Variants in SLC1A7 observed in about 807,000 individuals in gnomAD.
SLC1A7 encodes solute carrier family 1 member 7.
SLC1A7 carries 40 observed loss-of-function variants against 47.7 expected under a neutral mutation model. That is an observed-to-expected ratio of 0.84 (90% CI 0.65 to 1.09). The LOEUF is 1.09. Ranked by LOEUF, SLC1A7 falls within the 50% of genes least tolerant of loss-of-function variation. SLC1A7 has a pLI of 0.00. For missense variants in SLC1A7, 746 were observed against 769.5 expected, an observed-to-expected ratio of 0.97 and a Z score of 0.36; for synonymous variants, 323 against 325.6, an observed-to-expected ratio of 0.99 and a Z score of 0.09.
intron 5 of SLC1A7, among the ~76,000 whole-genome samples, chr1:53,099,234 C>CTGCCT (rs1224810464): frequency 2.4e-3 from 62 of 25,594 alleles, no homozygotes; most frequent in Non-Finnish European, 7.6e-3. Flanking sequence ...CACTCACACA[C>CTGCCT]CGCCTCGGTA....
chr1:53,096,267 ACT>A (rs753635111), intron 5 of SLC1A7, among the ~76,000 whole-genome samples: 10 of 143,656 alleles, frequency 7.0e-5, no homozygotes, highest in Non-Finnish European at 9.1e-5. Flanking sequence ...GCATCTGTAC[ACT>A]CACACACACC....
intron 1 of SLC1A7, among the ~76,000 whole-genome samples, chr1:53,140,029 G>T (rs1645041128): frequency 6.6e-6 from 1 of 152,106 alleles, no homozygotes; most frequent in Non-Finnish European, 1.5e-5. Context: ...TATTGTTTAT[G>T]ATTTTTGCCT....
chr1:53,126,862 T>C (rs1209551223), intron 2 of SLC1A7, among the ~76,000 whole-genome samples: 2 of 13,144 alleles, frequency 1.5e-4, no homozygotes, highest in Non-Finnish European at 2.6e-4. Flanking sequence ...AATTTGCTTA[T>C]CTAATTTTTT....
At position 53,111,652 on chromosome 1, in the gene SLC1A7, C is replaced by T. The variant is rs1017725401; in HGVS notation, c.431+3106G>A. ...AGATGTCAGACCAAGATGGGCAGGG[C>T]GAGAAAAGGGCAGATTTATGGAGAA... On this transcript the variant is annotated intron_variant, in intron 3 of 10. Transcript: ENST00000371494. 7.2e-5 allele frequency among the ~76,000 whole-genome samples: 11 copies of T among 152,132 alleles called. No individual in the cohort carries two copies. The East Asian group carries it at 9.6e-4, about 13-fold the overall frequency.
intron 2 of SLC1A7, among the ~76,000 whole-genome samples, chr1:53,122,496 C>G (rs1226223905): frequency 3.9e-5 from 6 of 152,192 alleles, no homozygotes; most frequent in African/African-American, 1.4e-4. Flanking sequence ...CTCTTCTTTT[C>G]CCCTGAGCAG....
rs561740053 is a variant in SLC1A7 at position 53,108,587 on chromosome 1, A to G, written c.432-2813T>C. 106 of 718,088 alleles carry G rather than the reference A, an allele frequency of 1.5e-4. No homozygotes were observed. The African/African-American group carries it at 1.7e-3, about 11-fold the overall frequency. 44.5% of individuals were successfully genotyped at this position (718,088 alleles called of 1,614,324 possible). A position where few individuals can be genotyped will look rare whatever the true frequency, so the allele number is the denominator to read the frequency against. On this transcript the variant is annotated intron_variant, in intron 3 of 10. Coordinates refer to ENST00000371494, the MANE Select transcript of SLC1A7 (RefSeq NM_006671.6). ...CTGGAAAACTCTTAAGGAGGTGCCCATTCAGCCAGGACCCTTTGGTCCGTT... is the reference window on the plus strand; with the variant it reads ...CTGGAAAACTCTTAAGGAGGTGCCCGTTCAGCCAGGACCCTTTGGTCCGTT...
intron 1 of SLC1A7, among the ~76,000 whole-genome samples, chr1:53,135,614 A>C (rs1049881957): frequency 2.0e-4 from 30 of 152,202 alleles, no homozygotes; most frequent in Admixed American, 2.0e-4. Flanking sequence ...GGACCTGACA[A>C]CTGAAGCAGA....
At chr1:53,140,484 C>G (rs1645046499) in intron 1 of SLC1A7, among the ~76,000 whole-genome samples, 1 of 152,018 alleles carries the variant, frequency 6.6e-6, no homozygotes, top group African/African-American at 2.4e-5. Flanking sequence ...AAAACAAACC[C>G]ATATGTTGTT....
chr1:53,109,300 A>G (rs1010442769), intron 3 of SLC1A7, among the ~76,000 whole-genome samples: 1 of 152,142 alleles, frequency 6.6e-6, no homozygotes, highest in African/African-American at 2.4e-5. Flanking sequence ...GTTGGGAGCT[A>G]TAAATAGAGC....
intron 2 of SLC1A7, among the ~76,000 whole-genome samples, chr1:53,124,254 ACACACACACACACACACACAC>A (rs1288259991): frequency 4.7e-5 from 7 of 150,428 alleles, no homozygotes. Flanking sequence ...TACACAACAC[ACACACACACACACACACACAC>A]ACACACACAC....
At chr1:53,131,631 A>T (rs1275192191) in intron 2 of SLC1A7, among the ~76,000 whole-genome samples, 1 of 152,260 alleles carries the variant, frequency 6.6e-6, no homozygotes, top group Admixed American at 6.5e-5. Context: ...AGCACCCAGC[A>T]CAGGGCCAAG....
chr1:53,107,470 G>A (rs1557677451), intron 3 of SLC1A7, among the ~76,000 whole-genome samples: 1 of 152,162 alleles, frequency 6.6e-6, no homozygotes, highest in African/African-American at 2.4e-5. Context: ...TATGTAAACC[G>A]CTAACATCAG....
intron 2 of SLC1A7, chr1:53,116,019 C>A (rs1572331767): frequency 6.6e-6 from 1 of 152,278 alleles, no homozygotes; most frequent in East Asian, 1.9e-4. Context: ...TCCCCAAAGC[C>A]CTTTCATTCT....
rs182390084 is a variant in SLC1A7 at position 53,108,556 on chromosome 1, T to G, written c.432-2782A>C. ...GAGGTGAGTGGAAGTCGTTGGGTGG[T>G]GATTCCTGGAAAACTCTTAAGGAGG... is the stretch of plus-strand genomic sequence containing the variant. On this transcript the variant is annotated intron_variant, in intron 3 of 10. Coordinates refer to ENST00000371494, the MANE Select transcript of SLC1A7 (RefSeq NM_006671.6). The G allele has an allele frequency of 1.8e-3, 1,321 of 717,814 alleles. 16 individuals carry two copies. The African/African-American group carries it at 0.021, about 11-fold the overall frequency. The allele number at this position is 717,814 out of a possible 1,614,324, so 44.5% of individuals were successfully genotyped here.
chr1:53,136,447 C>A (rs978938967), intron 1 of SLC1A7, among the ~76,000 whole-genome samples: 1 of 147,848 alleles, frequency 6.8e-6, no homozygotes, highest in Non-Finnish European at 1.5e-5. Context: ...CCCGCCTCGG[C>A]CTCCCAAAGT....
rs1041302687 is a variant in SLC1A7, at chr1:53,114,679, C to A, written c.431+79G>T. Reference sequence around the variant, plus strand: ...CCGTGATCACCCCCATCTCCACACCCCGTCCTGGCCTCTGGGGGACCTGGC... The same window carrying A: ...CCGTGATCACCCCCATCTCCACACCACGTCCTGGCCTCTGGGGGACCTGGC... On this transcript the variant is annotated intron_variant, in intron 3 of 10. Transcript: ENST00000371494. 50 of 1,255,128 alleles carry A rather than the reference C, an allele frequency of 4.0e-5. 1 individual carries two copies. The Admixed American group carries it at 8.8e-4, about 22-fold the overall frequency. The allele number at this position is 1,255,128 out of a possible 1,614,324, so 77.7% of individuals were successfully genotyped here.
chr1:53,131,031 G>A (rs981912519), intron 2 of SLC1A7, among the ~76,000 whole-genome samples: 3 of 152,336 alleles, frequency 2.0e-5, no homozygotes, highest in East Asian at 3.9e-4. Flanking sequence ...ATGTTAAAGC[G>A]GTTCCATTTC....
chr1:53,098,333 C>T lies in SLC1A7; in HGVS notation c.698-4773G>A, dbSNP rs567064881. Among the ~76,000 whole-genome samples the T allele has an allele frequency of 1.4e-4, 20 of 147,730 alleles. No individual in the cohort carries two copies. The South Asian group carries it at 3.3e-3, about 24-fold the overall frequency. On this transcript the variant is annotated intron_variant, in intron 5 of 10. Coordinates refer to ENST00000371494, the MANE Select transcript of SLC1A7 (RefSeq NM_006671.6). ...CACACACTCCACTCGTACCAAAACC[C>T]GCCTTGCTACACTCACACACCCCAC...
rs558506938 is a variant in SLC1A7, at chr1:53,096,143, C to T, written c.698-2583G>A. On this transcript the variant is annotated intron_variant, in intron 5 of 10. Coordinates refer to ENST00000371494, the MANE Select transcript of SLC1A7 (RefSeq NM_006671.6). ...ACACCCCACCTCAGTACATTCACCCCGCCTTGGTACACTCACACACACCAC... is the reference window on the plus strand; with the variant it reads ...ACACCCCACCTCAGTACATTCACCCTGCCTTGGTACACTCACACACACCAC... Among the ~76,000 whole-genome samples, 76 of 149,752 alleles carry T rather than the reference C, an allele frequency of 5.1e-4. 1 individual carries two copies. The highest frequency in any genetic ancestry group is 3.5e-3 in the Middle Eastern group (1 of 282).
Sources: gnomAD v4.1 joint callset for allele counts (sites outside exome capture counted in the v4.1 genomes callset) on GRCh38, gnomAD v4.1.1 for gene constraint, MANE v1.5 for transcripts, NCBI Gene and HGNC (gene_info 2026-07-23, HGNC 2026-07-21) for gene names.